LARGE1: variants seen among roughly 807,000 people sequenced by gnomAD.
The protein encoded by LARGE1 is LARGE xylosyl- and glucuronyltransferase 1, also known as xylosyl- and glucuronyltransferase LARGE1.
A neutral mutation model predicts 87.6 loss-of-function variants in LARGE1; 43 were observed. The ratio of observed to expected loss-of-function variants is 0.49; its 90% CI spans 0.38 to 0.63. The LOEUF (loss-of-function observed/expected upper bound fraction) is 0.63, where lower values mean the gene tolerates loss of function less well. Ranked by LOEUF, LARGE1 falls within the 30% of genes least tolerant of loss-of-function variation. The probability of loss-of-function intolerance (pLI) is 0.00; values close to 1 mark genes in which losing one functional copy is unlikely to be tolerated. For synonymous variants in LARGE1, 434 were observed against 394.6 expected, an observed-to-expected ratio of 1.10 and a Z score of -1.18; for missense variants, 802 against 1,000.2, an observed-to-expected ratio of 0.80 and a Z score of 2.67.
chr22:33,717,184 C>T lies in LARGE1; in HGVS notation c.106+44187G>A, dbSNP rs1389860006. Among the ~76,000 whole-genome samples the T allele has an allele frequency of 2.0e-5, 3 of 152,150 alleles. 1 individual carries two copies. The South Asian group carries it at 6.2e-4, about 32-fold the overall frequency. ...CTTCATTTATTCACTCATTCATCCA[C>T]CCACTCACTTACCTTCCTACCCATT... On this transcript the variant is annotated intron_variant, in intron 2 of 14. Coordinates refer to ENST00000397394, the MANE Select transcript of LARGE1 (RefSeq NM_133642.5).
chr22:33,250,884 T>G (rs1269433987), intron 11 of LARGE1, among the ~76,000 whole-genome samples: 4 of 152,214 alleles, frequency 2.6e-5, no homozygotes, highest in African/African-American at 7.2e-5. Flanking sequence ...TATGCACTGG[T>G]GAATTTGATT....
chr22:33,378,445 C>G (rs1313470133), intron 9 of LARGE1, among the ~76,000 whole-genome samples: 1 of 152,252 alleles, frequency 6.6e-6, no homozygotes, highest in East Asian at 1.9e-4. Flanking sequence ...TTATGTGAGG[C>G]CTTTATGTGA....
intron 1 of LARGE1, among the ~76,000 whole-genome samples, chr22:33,854,640 A>C (rs2063704839): frequency 6.6e-6 from 1 of 151,730 alleles, no homozygotes; most frequent in Non-Finnish European, 1.5e-5. Context: ...AAAGCAGAGT[A>C]CATCATTTTA....
At chr22:33,738,598 G>A (rs1190274328) in intron 2 of LARGE1, among the ~76,000 whole-genome samples, 1 of 152,178 alleles carries the variant, frequency 6.6e-6, no homozygotes, top group Non-Finnish European at 1.5e-5. Flanking sequence ...GGTGGCTCAC[G>A]CCTGTAATCC....
intron 11 of LARGE1, among the ~76,000 whole-genome samples, chr22:33,173,214 T>C (rs1025438062): frequency 1.3e-5 from 2 of 152,100 alleles, no homozygotes; most frequent in African/African-American, 4.8e-5. Context: ...TCAACATTCT[T>C]AAAGGAAAGA....
intron 2 of LARGE1, among the ~76,000 whole-genome samples, chr22:33,704,323 G>A (rs1166372457): frequency 6.6e-6 from 1 of 152,206 alleles, no homozygotes; most frequent in Non-Finnish European, 1.5e-5. Context: ...GGAACTTACT[G>A]GAAATTGGGG....
intron 7 of LARGE1, among the ~76,000 whole-genome samples, chr22:33,410,245 T>C (rs748593963): frequency 1.3e-5 from 2 of 152,146 alleles, no homozygotes; most frequent in Non-Finnish European, 2.9e-5. Context: ...ACGACGTTGT[T>C]ATGACGGTCC....
exon 12 of LARGE1, chr22:33,165,814 A>T (rs1202351867): frequency 5.3e-5 from 8 of 152,218 alleles, no homozygotes; most frequent in African/African-American, 1.9e-4. Context: ...TTGAAAATCT[A>T]AGCAACTATT....
intron 5 of LARGE1, among the ~76,000 whole-genome samples, chr22:33,568,859 C>CATGG (rs560703342): frequency 0.06 from 9,029 of 150,414 alleles, 374 homozygotes; most frequent in Non-Finnish European, 0.089. Context: ...TGGATGAATG[C>CATGG]ATGGATGGAT....
intron 6 of LARGE1, among the ~76,000 whole-genome samples, chr22:33,513,652 C>T (rs1482710793): frequency 1.3e-5 from 2 of 152,136 alleles, no homozygotes; most frequent in African/African-American, 2.4e-5. Context: ...TGGATTGCAA[C>T]AGGACTGATA....
At chr22:33,859,304 T>C (rs944375937) in intron 1 of LARGE1, among the ~76,000 whole-genome samples, 2 of 152,210 alleles carry the variant, frequency 1.3e-5, no homozygotes, top group African/African-American at 2.4e-5. Flanking sequence ...CATCTCATCA[T>C]AGTCATTTTT....
intron 9 of LARGE1, among the ~76,000 whole-genome samples, chr22:33,379,451 C>T (rs1160074327): frequency 1.3e-5 from 2 of 151,976 alleles, no homozygotes; most frequent in Non-Finnish European, 2.9e-5. Context: ...TGTGATGTTC[C>T]CCACCCTGTG....
intron 7 of LARGE1, among the ~76,000 whole-genome samples, chr22:33,413,135 T>A (rs934890157): frequency 1.3e-5 from 2 of 152,026 alleles, no homozygotes; most frequent in Non-Finnish European, 2.9e-5. Context: ...TTTTAAAAAA[T>A]AGTCTAAAAT....
At chr22:33,511,448 C>T (rs543343468) in intron 6 of LARGE1, among the ~76,000 whole-genome samples, 1 of 152,190 alleles carries the variant, frequency 6.6e-6, no homozygotes, top group East Asian at 1.9e-4. Context: ...TGATAAATTC[C>T]AGGGCACGTC....
intron 6 of LARGE1, among the ~76,000 whole-genome samples, chr22:33,520,213 T>C (rs2071515279): frequency 6.6e-6 from 1 of 151,984 alleles, no homozygotes; most frequent in African/African-American, 2.4e-5. Context: ...AAATGGGGAC[T>C]ACAGACGTGT....
intron 6 of LARGE1, among the ~76,000 whole-genome samples, chr22:33,521,823 G>A (rs2071614463): frequency 6.6e-6 from 1 of 152,190 alleles, no homozygotes; most frequent in Non-Finnish European, 1.5e-5. Flanking sequence ...CTGAGAATGG[G>A]TAATTTATAA....
At chr22:33,578,297 T>C (rs1228174911) in intron 5 of LARGE1, among the ~76,000 whole-genome samples, 1 of 152,174 alleles carries the variant, frequency 6.6e-6, no homozygotes, top group African/African-American at 2.4e-5. Flanking sequence ...CCATTGTGCC[T>C]TTACTTCCAC....
the LARGE1 span, among the ~76,000 whole-genome samples, chr22:33,151,373 T>C: frequency 6.6e-6 from 1 of 152,190 alleles, no homozygotes; most frequent in Non-Finnish European, 1.5e-5. Context: ...AATTTTAATA[T>C]AGACAATTAT....
intron 2 of LARGE1, among the ~76,000 whole-genome samples, chr22:33,714,059 A>AT: frequency 6.6e-6 from 1 of 152,100 alleles, no homozygotes; most frequent in Non-Finnish European, 1.5e-5. Flanking sequence ...CCCAGTGGTC[A>AT]ATAATGAAAG....
Sources: allele counts gnomAD v4.1 joint callset (sites outside exome capture counted in the v4.1 genomes callset), GRCh38; gene constraint gnomAD v4.1.1; transcripts MANE v1.5; gene names NCBI Gene and HGNC (gene_info 2026-07-23, HGNC 2026-07-21).